PROB1: variants seen among roughly 807,000 people sequenced by gnomAD.
PROB1 encodes the protein proline rich basic protein 1, also known as proline-rich basic protein 1.
For missense variants in PROB1, 1,453 were observed against 1,485.7 expected (o/e 0.98, Z 0.36); for synonymous variants, 660 against 699.3 (o/e 0.94, Z 0.89).
In PROB1 at chr5:139,394,895, G is replaced by A; in HGVS notation, c.187C>T (p.Arg63Trp). 2.0e-6 allele frequency: 3 copies of A among 1,509,750 alleles called. No homozygotes were observed. The highest frequency in any genetic ancestry group is 2.6e-5 in the East Asian group (1 of 37,964). 93.5% of individuals were successfully genotyped at this position (1,509,750 alleles called of 1,614,324 possible). Residue 63 changes from arginine to tryptophan, a missense_variant, in exon 1 of 1, where the codon CGG (arginine) becomes TGG (tryptophan). By Grantham distance (101) the Arg-to-Trp change is moderately radical. Transcript: ENST00000434752. ...PANWPWVAPG[R>W]GAGAQPRLSV... ...AGGCGAGGCTGCGCGCCCGCCCCCC[G>A]CCCAGGAGCCACCCAGGGCCAATTC...
rs978980918 is a variant in PROB1 at position 139,393,015 on chromosome 5, C to G, written c.2067G>C (p.Pro689=). Residue 689 remains proline, a synonymous_variant, in exon 1 of 1, where the codon CCG becomes CCC. Coordinates refer to ENST00000434752, the MANE Select transcript of PROB1 (RefSeq NM_001161546.2). ...YTSVFIKDFL[P]VVPHPYEPPE... ...GAGGCTCGTAGGGGTGCGGCACCAC[C>G]GGTAGAAAATCCTTGATGAAAACGG... is the stretch of plus-strand genomic sequence containing the variant. 8.5e-6 allele frequency: 13 copies of G among 1,522,916 alleles called. No individual in the cohort carries two copies. The highest frequency in any genetic ancestry group is 1.4e-5 in the African/African-American group (1 of 71,990). 94.3% of individuals were successfully genotyped at this position (1,522,916 alleles called of 1,614,324 possible).
At position 139,393,006 on chromosome 5, in the gene PROB1, C is replaced by A. The variant is rs1156873793; in HGVS notation, c.2076G>T (p.Pro692=). 1.3e-5 allele frequency: 19 copies of A among 1,517,756 alleles called. No individual in the cohort carries two copies. In the Admixed American group the frequency reaches 3.7e-4, roughly 30 times the overall value. 94.0% of individuals were successfully genotyped at this position (1,517,756 alleles called of 1,614,324 possible). A position where few individuals can be genotyped will look rare whatever the true frequency, so the allele number is the denominator to read the frequency against. ...ACGGTTCAGGAGGCTCGTAGGGGTG[C>A]GGCACCACCGGTAGAAAATCCTTGA... ...VFIKDFLPVV[P]HPYEPPEPSF... Residue 692 remains proline, a synonymous_variant, in exon 1 of 1, where the codon CCG becomes CCT. Transcript: ENST00000434752.
chr5:139,392,313 G>A lies in PROB1; in HGVS notation c.2769C>T (p.Pro923=), dbSNP rs1326210973. 1 of 1,507,440 alleles carries A rather than the reference G, an allele frequency of 6.6e-7. No individual in the cohort carries two copies. The highest frequency in any genetic ancestry group is 8.9e-7 in the Non-Finnish European group (1 of 1,125,508). 93.4% of individuals were successfully genotyped at this position (1,507,440 alleles called of 1,614,324 possible). The change falls in exon 1 of 1, where the codon CCC becomes CCT. Residue 923 remains proline (P), a synonymous_variant. Coordinates refer to ENST00000434752, the MANE Select transcript of PROB1 (RefSeq NM_001161546.2). The surrounding 1 kb of genome is among the most constrained non-coding windows in gnomAD (Gnocchi z 5.8). Reference sequence around the variant, plus strand: ...GGGTGTAGACGCGGTGGGGCGGCCCGGGAGACGAGGGCGGCAGCAACACCT... The same window carrying A: ...GGGTGTAGACGCGGTGGGGCGGCCCAGGAGACGAGGGCGGCAGCAACACCT... ...YVEVLLPPSS[P]GPPHRVYTPL...
Position 139,395,083 on chromosome 5 carries a change from G to C in PROB1, c.-2C>G, listed in dbSNP as rs1758675445. 2 of 1,399,870 alleles carry C rather than the reference G, an allele frequency of 1.4e-6. No homozygotes were observed. The highest frequency in any genetic ancestry group is 1.9e-6 in the Non-Finnish European group (2 of 1,077,428). 86.7% of individuals were successfully genotyped at this position (1,399,870 alleles called of 1,614,324 possible). A position where few individuals can be genotyped will look rare whatever the true frequency, so the allele number is the denominator to read the frequency against. On this transcript the variant is annotated 5_prime_UTR_variant, in exon 1 of 1. Transcript: ENST00000434752. ...TGGCGGGGCGAGCGCGGTCAGCATG[G>C]TGGGGCCGGACGCCGTGCACTATCT...
In PROB1 at chr5:139,393,080, G is replaced by A. The variant is rs1758627882; in HGVS notation, c.2002C>T (p.Pro668Ser). ...EEGGESKTQE[P>S]PALGPPAPAH... ...GGGGCGGGGGGCCCCAGTGCTGGCG[G>A]CTCTTGCGTCTTGGATTCGCCGCCC... Residue 668 changes from proline to serine, a missense_variant, in exon 1 of 1, where the codon CCG becomes TCG. Transcript: ENST00000434752. 24 of 1,528,050 alleles carry A rather than the reference G, an allele frequency of 1.6e-5. No individual in the cohort carries two copies. The highest frequency in any genetic ancestry group is 1.8e-5 in the Non-Finnish European group (21 of 1,135,884). 94.7% of individuals were successfully genotyped at this position (1,528,050 alleles called of 1,614,324 possible). A position where few individuals can be genotyped will look rare whatever the true frequency, so the allele number is the denominator to read the frequency against.
At position 139,392,024 on chromosome 5, in the gene PROB1, G is replaced by A. The variant is rs767366714; in HGVS notation, c.*10C>T. On this transcript the variant is annotated 3_prime_UTR_variant, in exon 1 of 1. Coordinates refer to ENST00000434752, the MANE Select transcript of PROB1 (RefSeq NM_001161546.2). This position sits in a 1 kb window ranked among gnomAD's most constrained non-coding sequence, Gnocchi z 5.8. ...AAGGGCTCCAACTCCATGGGGATCG[G>A]CCCGGGGCCTCACAGCGGGAACAAT... is the stretch of plus-strand genomic sequence containing the variant. The A allele has an allele frequency of 5.0e-6, 7 of 1,393,042 alleles. No homozygotes were observed. Among genetic ancestry groups the A allele is most frequent in the Non-Finnish European group, 6.5e-6 (7 of 1,070,164 alleles). 86.3% of individuals were successfully genotyped at this position (1,393,042 alleles called of 1,614,324 possible).
In PROB1 at chr5:139,393,208, C is replaced by G. The variant is rs1231876812; in HGVS notation, c.1874G>C (p.Arg625Pro). Residue 625 changes from arginine to proline, a missense_variant, in exon 1 of 1, where the codon CGA becomes CCA. Coordinates refer to ENST00000434752, the MANE Select transcript of PROB1 (RefSeq NM_001161546.2). ...GRPRMAIPRPRDVRKLVKTTY... is the reference protein window; with the variant it reads ...GRPRMAIPRPPDVRKLVKTTY... ...GGTCTTCACCAACTTGCGCACGTCT[C>G]GAGGCCGCGGAATGGCCATGCGCGG... is the stretch of plus-strand genomic sequence containing the variant. The G allele has an allele frequency of 5.2e-6, 8 of 1,549,470 alleles. No homozygotes were observed. The East Asian group carries it at 1.5e-4, about 28-fold the overall frequency.
chr5:139,393,624 G>A lies in PROB1; in HGVS notation c.1458C>T (p.Val486=). The change falls in exon 1 of 1, where the codon GTC becomes GTT. Residue 486 remains valine (V), a synonymous_variant. Transcript: ENST00000434752. ...PSLWEIPHSA[V]ADAVEPRSSP... is the part of the protein sequence containing the mutation. ...TGCTACGTGGCTCCACCGCATCCGC[G>A]ACTGCCGAATGTGGAATCTCCCACA... 6.5e-7 allele frequency: 1 copy of A among 1,549,644 alleles called. No individual in the cohort carries two copies. Among genetic ancestry groups the A allele is most frequent in the Non-Finnish European group, 8.7e-7 (1 of 1,146,556 alleles).
At position 139,393,956 on chromosome 5, in the gene PROB1, C is replaced by T. The variant is rs1405629560; in HGVS notation, c.1126G>A (p.Glu376Lys). ...GGAACCTCCGAGGGGATCCTACACT[C>T]AAAAGGCGGACTCCGTGCCCTCTGA... The part of the protein sequence containing the change: ...TVQRARSPPF[E>K]CRIPSEVPSR... Residue 376 changes from glutamate (E) to lysine (K), a missense_variant, in exon 1 of 1, where the codon GAG (glutamate) becomes AAG (lysine). By Grantham distance (56) the Glu-to-Lys change is moderately conservative (BLOSUM62 1). Coordinates refer to ENST00000434752, the MANE Select transcript of PROB1 (RefSeq NM_001161546.2). 2 of 1,550,750 alleles carry T rather than the reference C, an allele frequency of 1.3e-6. No homozygotes were observed. Among genetic ancestry groups the T allele is most frequent in the Non-Finnish European group, 1.7e-6 (2 of 1,146,990 alleles).
Position 139,393,169 on chromosome 5 carries a change from C to G in PROB1, c.1913G>C (p.Gly638Ala), listed in dbSNP as rs768121146. ...RKLVKTTYAP[G>A]FPAGAQGSGL... is the part of the protein sequence containing the mutation. Reference sequence around the variant, plus strand: ...AGAGCCTTGTGCTCCTGCCGGGAAGCCTGGCGCGTACGTGGTCTTCACCAA... The same window carrying G: ...AGAGCCTTGTGCTCCTGCCGGGAAGGCTGGCGCGTACGTGGTCTTCACCAA... The change falls in exon 1 of 1, where the codon GGC (glycine) becomes GCC (alanine). Residue 638 changes from glycine to alanine, a missense_variant. Gly to Ala is a moderately conservative substitution (Grantham distance 60). Coordinates refer to ENST00000434752, the MANE Select transcript of PROB1 (RefSeq NM_001161546.2). The G allele has an allele frequency of 5.8e-6, 9 of 1,548,410 alleles. No individual in the cohort carries two copies. The highest frequency in any genetic ancestry group is 7.0e-6 in the Non-Finnish European group (8 of 1,145,876).
At position 139,394,296 on chromosome 5, in the gene PROB1, C is replaced by T; in HGVS notation, c.786G>A (p.Glu262=). Residue 262 remains glutamate, a synonymous_variant, in exon 1 of 1, where the codon GAG becomes GAA. Coordinates refer to ENST00000434752, the MANE Select transcript of PROB1 (RefSeq NM_001161546.2). ...AGGTGGCGCTGCTCGGGGCCGGGGC[C>T]TCGGGGCTCAGTTTTCTGGCCAACG... ...QTALARKLSP[E]APAPSSATFG... is the part of the protein sequence containing the mutation. The T allele has an allele frequency of 6.6e-7, 1 of 1,519,332 alleles. No individual in the cohort carries two copies. The highest frequency in any genetic ancestry group is 8.8e-7 in the Non-Finnish European group (1 of 1,133,814). The allele number at this position is 1,519,332 out of a possible 1,614,324, so 94.1% of individuals were successfully genotyped here.
rs1307411924 is a variant in PROB1 at position 139,394,262 on chromosome 5, T to C, written c.820A>G (p.Thr274Ala). The C allele has an allele frequency of 1.3e-6, 2 of 1,544,758 alleles. No individual in the cohort carries two copies. Among genetic ancestry groups the C allele is most frequent in the South Asian group, 1.2e-5 (1 of 83,774 alleles). ...CGGGTCTCAGGTTCCGACCGCCCCG[T>C]GGACCCGAAGGTGGCGCTGCTCGGG... Reference protein sequence around the residue: ...PAPSSATFGSTGRSEPETRET... With the variant: ...PAPSSATFGSAGRSEPETRET... The change falls in exon 1 of 1, where the codon ACG becomes GCG. Residue 274 changes from threonine to alanine, a missense_variant. Physicochemically the swap from Thr to Ala is moderately conservative, Grantham distance 58 (BLOSUM62 0). Transcript: ENST00000434752.
Position 139,394,433 on chromosome 5 carries a change from G to A in PROB1, c.649C>T (p.Gln217Ter). 1.4e-6 allele frequency: 2 copies of A among 1,395,008 alleles called. No homozygotes were observed. Among genetic ancestry groups the A allele is most frequent in the Non-Finnish European group, 1.8e-6 (2 of 1,083,292 alleles). 86.4% of individuals were successfully genotyped at this position (1,395,008 alleles called of 1,614,324 possible). The change falls in exon 1 of 1, where the codon CAG (glutamine) becomes TAG (stop). Residue 217 changes from glutamine (Q) to a stop codon, truncating the protein, a stop_gained. Transcript: ENST00000434752. LOFTEE classifies it low-confidence loss of function (END_TRUNC). Reference sequence around the variant, plus strand: ...GCGCCGGCCGCCCTTGGGGGACTCTGGGGCCGGGGGCGCAGCTCGATCTGA... The same window carrying A: ...GCGCCGGCCGCCCTTGGGGGACTCTAGGGCCGGGGGCGCAGCTCGATCTGA... ...KRQIELRPRP[Q>*]SPPRAAGAPR...
In PROB1 at chr5:139,393,881, T is replaced by C; in HGVS notation, c.1201A>G (p.Asn401Asp). ...RSPSPPRQTPNGAVRGPRCPS... is the reference protein window; with the variant it reads ...RSPSPPRQTPDGAVRGPRCPS... Reference sequence around the variant, plus strand: ...CAGCGAGGACCCCGTACAGCCCCATTTGGAGTCTGCCGTGGCGGGGACGGG... The same window carrying C: ...CAGCGAGGACCCCGTACAGCCCCATCTGGAGTCTGCCGTGGCGGGGACGGG... Residue 401 changes from asparagine (N) to aspartate (D), a missense_variant, in exon 1 of 1, where the codon AAT becomes GAT. Coordinates refer to ENST00000434752, the MANE Select transcript of PROB1 (RefSeq NM_001161546.2). 6.5e-7 allele frequency: 1 copy of C among 1,549,622 alleles called. No homozygotes were observed. The highest frequency in any genetic ancestry group is 2.0e-5 in the Admixed American group (1 of 50,876).
In PROB1 at chr5:139,391,837, G is replaced by C. The variant is rs1168590399; in HGVS notation, c.*197C>G. 2.3e-6 allele frequency: 1 copy of C among 435,952 alleles called. No homozygotes were observed. The highest frequency in any genetic ancestry group is 3.9e-6 in the Non-Finnish European group (1 of 256,808). 27.0% of individuals were successfully genotyped at this position (435,952 alleles called of 1,614,324 possible). ...CATAATTTTGTTGGGGGAGGAAGTA[G>C]GCAGCCACTTCCTGGGTGACTCCAG... is the stretch of plus-strand genomic sequence containing the variant. On this transcript the variant is annotated 3_prime_UTR_variant, in exon 1 of 1. Coordinates refer to ENST00000434752, the MANE Select transcript of PROB1 (RefSeq NM_001161546.2). This position sits in a 1 kb window ranked among gnomAD's most constrained non-coding sequence, Gnocchi z 4.8.
chr5:139,393,246 C>T lies in PROB1; in HGVS notation c.1836G>A (p.Ala612=). The change falls in exon 1 of 1, where the codon GCG becomes GCA. Residue 612 remains alanine, a synonymous_variant. Coordinates refer to ENST00000434752, the MANE Select transcript of PROB1 (RefSeq NM_001161546.2). The part of the protein sequence containing the change: ...KCPEVLGPGE[A]ASGRPRMAIP... Reference sequence around the variant, plus strand: ...TGGCCATGCGCGGGCGTCCCGAGGCCGCCTCTCCAGGACCCAAGACTTCCG... The same window carrying T: ...TGGCCATGCGCGGGCGTCCCGAGGCTGCCTCTCCAGGACCCAAGACTTCCG... The T allele has an allele frequency of 1.3e-6, 2 of 1,549,246 alleles. No homozygotes were observed. Among genetic ancestry groups the T allele is most frequent in the Non-Finnish European group, 1.7e-6 (2 of 1,146,954 alleles).
Position 139,392,009 on chromosome 5 carries a change from A to C in PROB1, c.*25T>G, listed in dbSNP as rs1021793781. The C allele has an allele frequency of 7.4e-6, 10 of 1,357,234 alleles. No homozygotes were observed. The highest frequency in any genetic ancestry group is 9.5e-7 in the Non-Finnish European group (1 of 1,049,006). 84.1% of individuals were successfully genotyped at this position (1,357,234 alleles called of 1,614,324 possible). A position where few individuals can be genotyped will look rare whatever the true frequency, so the allele number is the denominator to read the frequency against. ...ACCTCCCAGGCATCCAAGGGCTCCA[A>C]CTCCATGGGGATCGGCCCGGGGCCT... On this transcript the variant is annotated 3_prime_UTR_variant, in exon 1 of 1. Coordinates refer to ENST00000434752, the MANE Select transcript of PROB1 (RefSeq NM_001161546.2). This position sits in a 1 kb window ranked among gnomAD's most constrained non-coding sequence, Gnocchi z 5.8.
chr5:139,392,554 G>T lies in PROB1; in HGVS notation c.2528C>A (p.Ala843Glu). 1 of 1,345,768 alleles carries T rather than the reference G, an allele frequency of 7.4e-7. No individual in the cohort carries two copies. Among genetic ancestry groups the T allele is most frequent in the Non-Finnish European group, 9.5e-7 (1 of 1,053,782 alleles). 83.4% of individuals were successfully genotyped at this position (1,345,768 alleles called of 1,614,324 possible). A position where few individuals can be genotyped will look rare whatever the true frequency, so the allele number is the denominator to read the frequency against. Residue 843 changes from alanine (A) to glutamate (E), a missense_variant, in exon 1 of 1, where the codon GCG (alanine) becomes GAG (glutamate). By Grantham distance (107) the Ala-to-Glu change is moderately radical (BLOSUM62 -1). Coordinates refer to ENST00000434752, the MANE Select transcript of PROB1 (RefSeq NM_001161546.2). This position sits in a 1 kb window ranked among gnomAD's most constrained non-coding sequence, Gnocchi z 5.8. ...GGGCTGGGCTGGGGCCGTCCTGCCC[G>T]CCAACGCCAGGGGCTCCCGCGGGAG... ...APLPREPLAL[A>E]GRTAPAQPRA...
Position 139,393,754 on chromosome 5 carries a change from G to T in PROB1, c.1328C>A (p.Ala443Asp). 7.1e-6 allele frequency: 11 copies of T among 1,551,414 alleles called. No homozygotes were observed. Among genetic ancestry groups the T allele is most frequent in the Non-Finnish European group, 7.8e-6 (9 of 1,146,984 alleles). ...TCTCCTGCTGACAGTTTCCTCGACG[G>T]CAGGATTTTGATTTTCCCACTCGGA... ...ASSEWENQNPAVEETVSRRSP... is the reference protein window; with the variant it reads ...ASSEWENQNPDVEETVSRRSP... Residue 443 changes from alanine (A) to aspartate (D), a missense_variant, in exon 1 of 1, where the codon GCC (alanine) becomes GAC (aspartate). Coordinates refer to ENST00000434752, the MANE Select transcript of PROB1 (RefSeq NM_001161546.2).
Sources: allele counts gnomAD v4.1 joint callset, GRCh38; gene constraint gnomAD v4.1.1; non-coding constraint Gnocchi (gnomAD v3.1); transcripts MANE v1.5; gene names NCBI Gene and HGNC (gene_info 2026-07-23, HGNC 2026-07-21).